Variants in KCNH2 observed in about 807,000 individuals in gnomAD.
The protein encoded by KCNH2 is potassium voltage-gated channel subfamily H member 2.
KCNH2 carries 35 observed loss-of-function variants against 95.9 expected under a neutral mutation model. The ratio of observed to expected loss-of-function variants is 0.37; its 90% CI spans 0.28 to 0.48. The LOEUF (loss-of-function observed/expected upper bound fraction) is 0.48, where lower values mean the gene tolerates loss of function less well. Ranked by LOEUF, KCNH2 falls within the 20% of genes least tolerant of loss-of-function variation. The pLI is 0.99. For missense variants in KCNH2, 1,274 were observed against 1,702.9 expected, an observed-to-expected ratio of 0.75 and a Z score of 4.43; for synonymous variants, 786 against 754.7, an observed-to-expected ratio of 1.04 and a Z score of -0.68.
At chr7:150,955,684 C>A (rs972173373) in intron 5 of KCNH2, 6 of 1,376,426 alleles carry the variant, frequency 4.4e-6, no homozygotes, top group African/African-American at 1.5e-5. Context: ...GCTGGGGTCA[C>A]CCTGGCAGTA....
Position 150,978,012 on chromosome 7 carries a change from A to T in KCNH2, c.-99T>A. The stretch of plus-strand genomic sequence containing the variant: ...GGCCCGGCCGGGCCGTGGTCCCCGC[A>T]CCCCGCGGCCAAGCCGAGCACGGGC... On this transcript the variant is annotated 5_prime_UTR_variant, in exon 1 of 15. Coordinates refer to ENST00000262186, the MANE Select transcript of KCNH2 (RefSeq NM_000238.4). The T allele has an allele frequency of 2.0e-6, 1 of 498,206 alleles. No individual in the cohort carries two copies. The highest frequency in any genetic ancestry group is 3.0e-6 in the Non-Finnish European group (1 of 336,458). 30.9% of individuals were successfully genotyped at this position (498,206 alleles called of 1,614,324 possible).
At position 150,959,621 on chromosome 7, in the gene KCNH2, C is replaced by T. The variant is rs148483769; in HGVS notation, c.423G>A (p.Pro141=). The part of the protein sequence containing the change: ...VVMEKDMVGS[P]AHDTNHRGPP... ...GGCCCCGGTGGTTGGTGTCATGAGCCGGGGACCCCACCATGTCCTTCTCCA... is the reference window on the plus strand; with the variant it reads ...GGCCCCGGTGGTTGGTGTCATGAGCTGGGGACCCCACCATGTCCTTCTCCA... The change falls in exon 3 of 15, where the codon CCG becomes CCA. Residue 141 remains proline (P), a synonymous_variant. Transcript: ENST00000262186. The T allele has an allele frequency of 1.8e-5, 29 of 1,614,004 alleles. No homozygotes were observed. The highest frequency in any genetic ancestry group is 2.2e-5 in the South Asian group (2 of 91,082).
At chr7:150,955,697 C>G in intron 5 of KCNH2, 1 of 1,356,124 alleles carries the variant, frequency 7.4e-7, no homozygotes, top group Non-Finnish European at 9.5e-7. Context: ...TGGCAGTAAG[C>G]GTGGGCAGCA....
intron 2 of KCNH2, 124 bp from the exon 3 acceptor site, chr7:150,959,860 T>G: frequency 9.5e-7 from 1 of 1,047,686 alleles, no homozygotes; most frequent in Non-Finnish European, 1.4e-6. Context: ...TGGCCCTTCC[T>G]CTCCGGGATC....
intron 2 of KCNH2, among the ~76,000 whole-genome samples, chr7:150,970,404 G>A (rs924667678): frequency 2.0e-5 from 3 of 152,206 alleles, no homozygotes; most frequent in Admixed American, 6.5e-5. Context: ...TGCAGAAGAC[G>A]CAACACGGAG....
In KCNH2 at chr7:150,947,448, T is replaced by A; in HGVS notation, c.3032A>T (p.Glu1011Val). The A allele has an allele frequency of 6.4e-7, 1 of 1,565,520 alleles. No individual in the cohort carries two copies. Among genetic ancestry groups the A allele is most frequent in the Non-Finnish European group, 8.7e-7 (1 of 1,155,576 alleles). The stretch of plus-strand genomic sequence containing the variant: ...GGTGGGGGCGGGGCATCGAGGGAGC[T>A]CCTGGTACTGGCGGCCCCGACTGTC... ...WGDSRGRQYQELPRCPAPTPS... is the reference protein window; with the variant it reads ...WGDSRGRQYQVLPRCPAPTPS... The change falls in exon 13 of 15, where the codon GAG (glutamate) becomes GTG (valine). Residue 1011 changes from glutamate (E) to valine (V), a missense_variant. Physicochemically the swap from Glu to Val is moderately radical, Grantham distance 121 (BLOSUM62 -2). This residue lies in a region of KCNH2 where 457 missense variants were observed against 416.1 expected (regional missense o/e 1.10). Coordinates refer to ENST00000262186, the MANE Select transcript of KCNH2 (RefSeq NM_000238.4).
At chr7:150,956,674 A>T (rs1801386117) in intron 5 of KCNH2, among the ~76,000 whole-genome samples, 2 of 152,002 alleles carry the variant, frequency 1.3e-5, no homozygotes, top group South Asian at 4.2e-4. Flanking sequence ...CAGGGACCTG[A>T]CCCTTCCATA....
At chr7:150,974,152 G>T (rs992309538) in intron 2 of KCNH2, among the ~76,000 whole-genome samples, 4 of 152,174 alleles carry the variant, frequency 2.6e-5, no homozygotes, top group Non-Finnish European at 5.9e-5. Flanking sequence ...GGGAACTGAG[G>T]TTGCGGGGAG....
intron 7 of KCNH2, 75 bp from the exon 8 acceptor site, chr7:150,951,195 C>G: frequency 7.7e-7 from 1 of 1,303,890 alleles, no homozygotes; most frequent in Non-Finnish European, 1.1e-6. Context: ...GCTCAGGCCC[C>G]GCACCAGGTC....
In KCNH2 at chr7:150,958,044, C is replaced by G. The variant is rs890879636; in HGVS notation, c.916+15G>C. Reference sequence around the variant, plus strand: ...AGCGTGGGCTGGGGCGGAACGGGTCCCGCGGCGCCCTCACCGGTGCTGGCG... The same window carrying G: ...AGCGTGGGCTGGGGCGGAACGGGTCGCGCGGCGCCCTCACCGGTGCTGGCG... On this transcript the variant is annotated intron_variant, in intron 4 of 14. Coordinates refer to ENST00000262186, the MANE Select transcript of KCNH2 (RefSeq NM_000238.4). The G allele has an allele frequency of 7.9e-7, 1 of 1,263,262 alleles. No homozygotes were observed. The allele number at this position is 1,263,262 out of a possible 1,614,324, so 78.3% of individuals were successfully genotyped here. A position where few individuals can be genotyped will look rare whatever the true frequency, so the allele number is the denominator to read the frequency against.
chr7:150,961,136 CCCA>C lies in KCNH2; in HGVS notation c.308-1403_308-1401del, dbSNP rs1801556358. 6.6e-6 allele frequency among the ~76,000 whole-genome samples: 1 copy of C among 152,124 alleles called. No homozygotes were observed. The highest frequency in any genetic ancestry group is 2.1e-4 in the South Asian group (1 of 4,830). ...TCTCTGCCTCCCAGTGTCTCCCGTC[CCCA>C]CGTTAGTGCCTAGCACCTAGAGTCA... On this transcript the variant is annotated intron_variant, in intron 2 of 14. Coordinates refer to ENST00000262186, the MANE Select transcript of KCNH2 (RefSeq NM_000238.4). This position sits in a 1 kb window ranked among gnomAD's most constrained non-coding sequence, Gnocchi z 6.2.
chr7:150,971,983 G>T (rs752947823), intron 2 of KCNH2, among the ~76,000 whole-genome samples: 2 of 152,002 alleles, frequency 1.3e-5, no homozygotes, highest in African/African-American at 2.4e-5. Flanking sequence ...GGATGTTACC[G>T]CCAGCCAGCC....
intron 2 of KCNH2, among the ~76,000 whole-genome samples, chr7:150,974,432 GA>G (rs371695614): frequency 6.6e-6 from 1 of 152,030 alleles, no homozygotes; most frequent in East Asian, 1.9e-4. Flanking sequence ...CCTGCCCAGG[GA>G]AAAAAAGGAC....
intron 2 of KCNH2, among the ~76,000 whole-genome samples, chr7:150,967,627 T>C (rs1481102033): frequency 6.6e-6 from 1 of 152,210 alleles, no homozygotes; most frequent in African/African-American, 2.4e-5. Flanking sequence ...TGACACCACA[T>C]ACGGGGTAGT....
Position 150,950,511 on chromosome 7 carries a change from G to T in KCNH2, c.2146-91C>A, listed in dbSNP as rs1044009282. 4 of 1,510,400 alleles carry T rather than the reference G, an allele frequency of 2.6e-6. No homozygotes were observed. The Admixed American group carries it at 5.6e-5, about 21-fold the overall frequency. 93.6% of individuals were successfully genotyped at this position (1,510,400 alleles called of 1,614,324 possible). On this transcript the variant is annotated intron_variant, in intron 8 of 14. Transcript: ENST00000262186. ...CACCATCCCACCCCTCCATGTCAGAGAAATCTCAACCTCCAGGCCTGGGAG... is the reference window on the plus strand; with the variant it reads ...CACCATCCCACCCCTCCATGTCAGATAAATCTCAACCTCCAGGCCTGGGAG...
chr7:150,947,297 G>T, intron 13 of KCNH2, 31 bp downstream of exon 13: 3 of 1,516,890 alleles, frequency 2.0e-6, no homozygotes, highest in Non-Finnish European at 2.7e-6. Context: ...ACTCCAGGGC[G>T]TGCCCCCCCA....
intron 2 of KCNH2, among the ~76,000 whole-genome samples, chr7:150,973,305 A>G (rs993689655): frequency 3.9e-5 from 6 of 152,240 alleles, no homozygotes; most frequent in Non-Finnish European, 8.8e-5. Flanking sequence ...CAGAGCGCAC[A>G]GGGCTCCGGT....
At chr7:150,959,081 G>A (rs1296566376) in intron 3 of KCNH2, among the ~76,000 whole-genome samples, 1 of 152,208 alleles carries the variant, frequency 6.6e-6, no homozygotes, top group African/African-American at 2.4e-5. Flanking sequence ...GCCCAGGTGG[G>A]CATTCCCTCA....
At chr7:150,955,281 A>T in intron 5 of KCNH2, 1 of 1,099,506 alleles carries the variant, frequency 9.1e-7, no homozygotes, top group Non-Finnish European at 1.4e-6. Context: ...ACGGCTCCCA[A>T]AGCTTCCTAC....
Sources: gnomAD v4.1 joint callset for allele counts (sites outside exome capture counted in the v4.1 genomes callset) on GRCh38, gnomAD v4.1.1 for gene constraint, gnomAD v4.1.1 regional missense constraint, Gnocchi (gnomAD v3.1) non-coding constraint, MANE v1.5 for transcripts, NCBI Gene and HGNC (gene_info 2026-07-23, HGNC 2026-07-21) for gene names.